The following TMEM178B variants were observed in gnomAD, a reference collection of about 807,000 sequenced individuals.
The protein encoded by TMEM178B is transmembrane protein 178B.
In TMEM178B, 5 loss-of-function variants were observed where a neutral mutation model predicts 31.0. That is an observed-to-expected ratio of 0.16 (90% CI 0.08 to 0.34). The LOEUF is 0.34. Among genes scored for constraint, TMEM178B ranks in the 10% least tolerant of loss-of-function variants. The probability of loss-of-function intolerance (pLI) is 1.00; values close to 1 mark genes in which losing one functional copy is unlikely to be tolerated. For missense variants in TMEM178B, 275 were observed against 400.3 expected (o/e 0.69, Z 2.67); for synonymous variants, 164 against 164.0 (o/e 1.00, Z 0.00).
At chr7:141,270,757 T>C (rs1283362542) in intron 2 of TMEM178B, among the ~76,000 whole-genome samples, 1 of 152,246 alleles carries the variant, frequency 6.6e-6, no homozygotes, top group Admixed American at 6.5e-5. Context: ...AATGTTGTCA[T>C]GTCCTTAGTA....
rs564794263 is a variant in TMEM178B at position 141,241,107 on chromosome 7, C to T, written c.496+28403C>T. On this transcript the variant is annotated intron_variant, in intron 2 of 3. Transcript: ENST00000565468. ...GTGAACTCTGGGATTTTAGTGCACC[C>T]GTCACCCGAGTAGTGTACATTGTAC... Among the ~76,000 whole-genome samples, 98 of 150,964 alleles carry T rather than the reference C, an allele frequency of 6.5e-4. 1 individual carries two copies. In the South Asian group the frequency reaches 0.019, roughly 29 times the overall value.
chr7:141,317,913 T>C (rs943994121), intron 2 of TMEM178B, among the ~76,000 whole-genome samples: 4 of 152,216 alleles, frequency 2.6e-5, no homozygotes, highest in Non-Finnish European at 5.9e-5. Context: ...CTGCAGAATG[T>C]GATTCTTGCC....
intron 2 of TMEM178B, among the ~76,000 whole-genome samples, chr7:141,338,994 C>T (rs1029438154): frequency 6.6e-6 from 1 of 152,122 alleles, no homozygotes; most frequent in Non-Finnish European, 1.5e-5. Flanking sequence ...TATGTGGGGA[C>T]TTCCATGGCG....
intron 3 of TMEM178B, among the ~76,000 whole-genome samples, chr7:141,467,226 A>G (rs1161375922): frequency 6.6e-6 from 1 of 152,178 alleles, no homozygotes; most frequent in Non-Finnish European, 1.5e-5. Flanking sequence ...CCTGGGGACC[A>G]TCAGAGAATT....
At chr7:141,235,811 C>A (rs1382473880) in intron 2 of TMEM178B, among the ~76,000 whole-genome samples, 1 of 152,150 alleles carries the variant, frequency 6.6e-6, no homozygotes. Context: ...ATTGCCAGGG[C>A]CTCGGATACA....
chr7:141,443,299 C>G (rs971395622), intron 3 of TMEM178B, among the ~76,000 whole-genome samples: 6 of 152,122 alleles, frequency 3.9e-5, no homozygotes, highest in Non-Finnish European at 7.3e-5. Context: ...GCCAACGGCC[C>G]CAGCTGACTC....
the TMEM178B span, among the ~76,000 whole-genome samples, chr7:141,487,416 C>T: frequency 6.6e-6 from 1 of 152,050 alleles, no homozygotes; most frequent in Non-Finnish European, 1.5e-5. Flanking sequence ...TTGTTGTGTA[C>T]TTCAGGAATC....
chr7:141,389,047 C>A (rs985199163), intron 2 of TMEM178B, among the ~76,000 whole-genome samples: 1 of 152,124 alleles, frequency 6.6e-6, no homozygotes, highest in Non-Finnish European at 1.5e-5. Flanking sequence ...ATAGTGTCAC[C>A]ACTTATTGAT....
At chr7:141,152,656 T>G (rs2129180681) in intron 1 of TMEM178B, among the ~76,000 whole-genome samples, 1 of 152,256 alleles carries the variant, frequency 6.6e-6, no homozygotes, top group Non-Finnish European at 1.5e-5. Flanking sequence ...AGGTGGAAAG[T>G]GGGCTCTCTC....
intron 3 of TMEM178B, among the ~76,000 whole-genome samples, chr7:141,457,919 T>C (rs1801994518): frequency 6.6e-6 from 1 of 152,166 alleles, no homozygotes. Flanking sequence ...GAAGAGTAGG[T>C]ATGATTTTAT....
chr7:141,508,211 A>G, the TMEM178B span, among the ~76,000 whole-genome samples: 1 of 152,060 alleles, frequency 6.6e-6, no homozygotes, highest in East Asian at 1.9e-4. Flanking sequence ...AATTCCACAA[A>G]TCTCTAGGGC....
At chr7:141,441,458 C>T (rs545088735) in intron 3 of TMEM178B, among the ~76,000 whole-genome samples, 27 of 152,324 alleles carry the variant, frequency 1.8e-4, no homozygotes, top group Middle Eastern at 3.4e-3. Flanking sequence ...GCCCCGTGGC[C>T]TTAGCTTTCA....
At chr7:141,216,435 G>GTGTC (rs1181486626) in intron 2 of TMEM178B, among the ~76,000 whole-genome samples, 1 of 73,336 alleles carries the variant, frequency 1.4e-5, no homozygotes, top group African/African-American at 4.1e-5. Context: ...GTGTGTGTGT[G>GTGTC]TGTGTGTGTG....
intron 2 of TMEM178B, among the ~76,000 whole-genome samples, chr7:141,369,311 G>A (rs1237643938): frequency 4.8e-5 from 7 of 145,994 alleles, no homozygotes; most frequent in South Asian, 2.3e-4. Flanking sequence ...GTCTCTCCGC[G>A]CCGACGTGTG....
At chr7:141,448,985 TG>T (rs1801812386) in intron 3 of TMEM178B, among the ~76,000 whole-genome samples, 1 of 151,312 alleles carries the variant, frequency 6.6e-6, no homozygotes, top group Non-Finnish European at 1.5e-5. Context: ...ACCTCTGGAG[TG>T]GTTGTCGAGA....
chr7:141,105,842 C>T (rs1795136166), intron 1 of TMEM178B, among the ~76,000 whole-genome samples: 2 of 151,964 alleles, frequency 1.3e-5, no homozygotes, highest in South Asian at 2.1e-4. Flanking sequence ...TGCCTGTAAT[C>T]CCAGCTGTTT....
intron 2 of TMEM178B, among the ~76,000 whole-genome samples, chr7:141,286,178 A>T (rs147940270): frequency 1.3e-5 from 2 of 152,348 alleles, no homozygotes; most frequent in African/African-American, 4.8e-5. Flanking sequence ...AATTATCAAG[A>T]TAACTGATAC....
chr7:141,086,456 C>T (rs1295390309), intron 1 of TMEM178B, among the ~76,000 whole-genome samples: 1 of 152,072 alleles, frequency 6.6e-6, no homozygotes, highest in Non-Finnish European at 1.5e-5. Context: ...ATAAACACAA[C>T]TTTGAGTAAG....
intron 2 of TMEM178B, among the ~76,000 whole-genome samples, chr7:141,220,125 T>C (rs6974920): frequency 0.56 from 85,240 of 151,330 alleles, 25,814 homozygotes; most frequent in East Asian, 0.8. Context: ...TCGAGACCAG[T>C]CTGGCTAACA....
Sources: allele counts gnomAD v4.1 joint callset (sites outside exome capture counted in the v4.1 genomes callset), GRCh38; gene constraint gnomAD v4.1.1; transcripts MANE v1.5; gene names NCBI Gene and HGNC (gene_info 2026-07-23, HGNC 2026-07-21).